The following CCDC102A variants were observed in gnomAD, a reference collection of about 807,000 sequenced individuals.
CCDC102A encodes coiled-coil domain containing 102A.
CCDC102A carries 40 observed loss-of-function variants against 55.5 expected under a neutral mutation model. The observed-to-expected ratio is 0.72, with a 90% CI of 0.56 to 0.94. CCDC102A has a LOEUF of 0.94. CCDC102A is among the 40% of genes least tolerant of loss of function. The pLI is 0.00. For synonymous variants in CCDC102A, 323 were observed against 339.0 expected (o/e 0.95, Z 0.52); for missense variants, 779 against 768.6 (o/e 1.01, Z -0.16).
chr16:57,527,024 T>C (rs1426497899), intron 2 of CCDC102A, among the ~76,000 whole-genome samples: 4 of 152,066 alleles, frequency 2.6e-5, no homozygotes, highest in African/African-American at 9.7e-5. Flanking sequence ...GACCGACAAC[T>C]GGAATAAGGA....
intron 3 of CCDC102A, among the ~76,000 whole-genome samples, chr16:57,521,410 G>T (rs2032049850): frequency 6.6e-6 from 1 of 152,204 alleles, no homozygotes; most frequent in Non-Finnish European, 1.5e-5. Context: ...TGGGGAGGTG[G>T]TCGGGGTTCC....
chr16:57,530,914 C>T (rs1464341598), intron 1 of CCDC102A, among the ~76,000 whole-genome samples: 1 of 151,896 alleles, frequency 6.6e-6, no homozygotes, highest in East Asian at 1.9e-4. Flanking sequence ...TGACGGTGTG[C>T]CCTCTGGACC....
chr16:57,525,827 A>C, intron 3 of CCDC102A, 74 bp downstream of exon 3: 3 of 1,331,030 alleles, frequency 2.3e-6, no homozygotes, highest in Non-Finnish European at 3.2e-6. Flanking sequence ...CGTGAGTCTA[A>C]TGTTCTGTGA....
chr16:57,529,204 G>T lies in CCDC102A; in HGVS notation c.-27C>A. On this transcript the variant is annotated 5_prime_UTR_variant, in exon 2 of 9. Transcript: ENST00000258214. This position sits in a 1 kb window ranked among gnomAD's most constrained non-coding sequence, Gnocchi z 4.1. ...GTGCGGCCGGGCGGGCCCTGAGCTC[G>T]AACTCGCGGTCGGGCTCAGGGGCGG... 1 of 1,164,162 alleles carries T rather than the reference G, an allele frequency of 8.6e-7. No individual in the cohort carries two copies. The highest frequency in any genetic ancestry group is 4.2e-5 in the South Asian group (1 of 23,732). 72.1% of individuals were successfully genotyped at this position (1,164,162 alleles called of 1,614,324 possible).
chr16:57,521,115 T>C lies in CCDC102A; in HGVS notation c.874A>G (p.Ile292Val), dbSNP rs921441735. ...KLEGELSQWKIKYEELSKTKQ... is the reference protein window; with the variant it reads ...KLEGELSQWKVKYEELSKTKQ... ...GTCTTGCTCAGCTCCTCATACTTGATCTTCCACTGGCTGAGCTCCCCCTCT... is the reference window on the plus strand; with the variant it reads ...GTCTTGCTCAGCTCCTCATACTTGACCTTCCACTGGCTGAGCTCCCCCTCT... Residue 292 changes from isoleucine to valine, a missense_variant, in exon 4 of 9, where the codon ATC (isoleucine) becomes GTC (valine). Ile to Val is a conservative substitution (Grantham distance 29). Coordinates refer to ENST00000258214, the MANE Select transcript of CCDC102A (RefSeq NM_033212.4). The C allele has an allele frequency of 1.2e-6, 2 of 1,613,756 alleles. No homozygotes were observed. The highest frequency in any genetic ancestry group is 2.7e-5 in the African/African-American group (2 of 75,002).
At position 57,516,341 on chromosome 16, in the gene CCDC102A, C is replaced by A; in HGVS notation, c.1371G>T (p.Arg457=). 6.2e-7 allele frequency: 1 copy of A among 1,608,284 alleles called. No homozygotes were observed. Among genetic ancestry groups the A allele is most frequent in the East Asian group, 2.2e-5 (1 of 44,896 alleles). The change falls in exon 7 of 9, where the codon CGG becomes CGT. Residue 457 remains arginine (R), a synonymous_variant. Coordinates refer to ENST00000258214, the MANE Select transcript of CCDC102A (RefSeq NM_033212.4). This position sits in a 1 kb window ranked among gnomAD's most constrained non-coding sequence, Gnocchi z 4.4. The stretch of plus-strand genomic sequence containing the variant: ...CCTTCTTGAGCTCCTCCACCCGCAG[C>A]CGCAGCTTCTTCACCTCAGCCTCGT... ...EQHEAEVKKL[R]LRVEELKKEL...
Position 57,517,913 on chromosome 16 carries a change from G to A in CCDC102A, c.1248+155C>T, listed in dbSNP as rs1467213042. ...CACATAGTAAGTGCTCAATGAATGCGGCTACTATAATTACCAACTGGTCTA... is the reference window on the plus strand; with the variant it reads ...CACATAGTAAGTGCTCAATGAATGCAGCTACTATAATTACCAACTGGTCTA... On this transcript the variant is annotated intron_variant, in intron 6 of 8. Transcript: ENST00000258214. Among the ~76,000 whole-genome samples, 4 of 152,374 alleles carry A rather than the reference G, an allele frequency of 2.6e-5. No homozygotes were observed. The South Asian group carries it at 8.3e-4, about 32-fold the overall frequency.
intron 7 of CCDC102A, 43 bp from the exon 8 acceptor site, chr16:57,515,487 G>A: frequency 7.4e-7 from 1 of 1,352,658 alleles, no homozygotes; most frequent in Non-Finnish European, 1.0e-6. Context: ...GTCACCCAGG[G>A]CTGGGCAAGG....
At chr16:57,523,375 G>C (rs1464085274) in intron 3 of CCDC102A, among the ~76,000 whole-genome samples, 1 of 152,102 alleles carries the variant, frequency 6.6e-6, no homozygotes. Context: ...GCTTCTGGCA[G>C]TTTGCTGGCC....
At chr16:57,514,756 G>A (rs575436828) in intron 8 of CCDC102A, among the ~76,000 whole-genome samples, 51 of 152,338 alleles carry the variant, frequency 3.3e-4, no homozygotes, top group Middle Eastern at 6.8e-3. Flanking sequence ...GGTCAATGCT[G>A]TGGCTCCGAT....
At position 57,525,964 on chromosome 16, in the gene CCDC102A, G is replaced by T; in HGVS notation, c.749C>A (p.Ser250Tyr). ...CCGTAGCCGCAGGGCGGTCAACTTGGAGGCCTCCTCCTCCGTGGCAGCTGT... is the reference window on the plus strand; with the variant it reads ...CCGTAGCCGCAGGGCGGTCAACTTGTAGGCCTCCTCCTCCGTGGCAGCTGT... The part of the protein sequence containing the change: ...EDTAATEEEA[S>Y]KLTALRLRLD... The change falls in exon 3 of 9, where the codon TCC becomes TAC. Residue 250 changes from serine (S) to tyrosine (Y), a missense_variant. Coordinates refer to ENST00000258214, the MANE Select transcript of CCDC102A (RefSeq NM_033212.4). 6.2e-7 allele frequency: 1 copy of T among 1,612,418 alleles called. No individual in the cohort carries two copies.
chr16:57,518,181 G>C lies in CCDC102A; in HGVS notation c.1135C>G (p.Arg379Gly). 1 of 1,612,504 alleles carries C rather than the reference G, an allele frequency of 6.2e-7. No homozygotes were observed. Residue 379 changes from arginine to glycine, a missense_variant, in exon 6 of 9, where the codon CGG (arginine) becomes GGG (glycine). Transcript: ENST00000258214. ...LGLERENKKL[R>G]AQVGDLEEAL... Reference sequence around the variant, plus strand: ...TCCTCCAGGTCTCCGACCTGTGCCCGCAGCTTCTTGTTCTCCCGCTCAAGG... The same window carrying C: ...TCCTCCAGGTCTCCGACCTGTGCCCCCAGCTTCTTGTTCTCCCGCTCAAGG...
chr16:57,518,234 C>T lies in CCDC102A; in HGVS notation c.1082G>A (p.Arg361Gln), dbSNP rs746272672. 1.7e-5 allele frequency: 27 copies of T among 1,611,734 alleles called. No homozygotes were observed. The highest frequency in any genetic ancestry group is 4.5e-5 in the East Asian group (2 of 44,894). Residue 361 changes from arginine to glutamine, a missense_variant, in exon 6 of 9, where the codon CGG (arginine) becomes CAG (glutamine). By Grantham distance (43) the Arg-to-Gln change is conservative (BLOSUM62 1). Coordinates refer to ENST00000258214, the MANE Select transcript of CCDC102A (RefSeq NM_033212.4). ...QAENAAEWGR[R>Q]ERLETEKLGL... is the part of the protein sequence containing the mutation. ...CAGTTTCTCTGTCTCCAGCCGCTCC[C>T]GGCGGCCCCACTCCGCAGCGTTTTC...
chr16:57,532,177 C>T (rs1180362994), intron 1 of CCDC102A, among the ~76,000 whole-genome samples: 1 of 152,196 alleles, frequency 6.6e-6, no homozygotes, highest in Non-Finnish European at 1.5e-5. Context: ...ACACTTGGCC[C>T]TATACCCGAG....
At chr16:57,523,707 A>G (rs2032088362) in intron 3 of CCDC102A, among the ~76,000 whole-genome samples, 1 of 151,268 alleles carries the variant, frequency 6.6e-6, no homozygotes, top group Non-Finnish European at 1.5e-5. Context: ...GCACTATGGG[A>G]AGCTGAGGTT....
At chr16:57,526,624 G>A (rs1433317949) in intron 2 of CCDC102A, among the ~76,000 whole-genome samples, 1 of 152,142 alleles carries the variant, frequency 6.6e-6, no homozygotes, top group Non-Finnish European at 1.5e-5. Flanking sequence ...ACCCAGGGCC[G>A]AGCCCCTTTC....
intron 7 of CCDC102A, among the ~76,000 whole-genome samples, chr16:57,515,780 C>G (rs1326728318): frequency 4.0e-5 from 6 of 151,398 alleles, no homozygotes; most frequent in Admixed American, 1.3e-4. Context: ...AGTCACCCAC[C>G]ACTCCCCATC....
chr16:57,515,379 G>A lies in CCDC102A; in HGVS notation c.1485C>T (p.Ser495=), dbSNP rs374838478. 5.6e-6 allele frequency: 9 copies of A among 1,608,636 alleles called. No individual in the cohort carries two copies. Among genetic ancestry groups the A allele is most frequent in the South Asian group, 2.2e-5 (2 of 89,986 alleles). Residue 495 remains serine (S), a synonymous_variant, in exon 8 of 9, where the codon AGC becomes AGT. Coordinates refer to ENST00000258214, the MANE Select transcript of CCDC102A (RefSeq NM_033212.4). The stretch of plus-strand genomic sequence containing the variant: ...GCTCCAGTTGCACTTGCAGGTTCTC[G>A]CTCTGCTCCGTCTGCTCGTCCAGCG... ...QRSLDEQTEQ[S]ENLQVQLEHL...
Position 57,512,286 on chromosome 16 carries a change from C to T in CCDC102A, c.*455G>A. 2.5e-6 allele frequency: 1 copy of T among 397,680 alleles called. No individual in the cohort carries two copies. The highest frequency in any genetic ancestry group is 3.6e-5 in the East Asian group (1 of 28,042). The allele number at this position is 397,680 out of a possible 1,614,324, so 24.6% of individuals were successfully genotyped here. A position where few individuals can be genotyped will look rare whatever the true frequency, so the allele number is the denominator to read the frequency against. ...ACAACCCCCGCCCACATCTGCCATA[C>T]TTTCAGATGCCCCAAGAACTTGAAC... On this transcript the variant is annotated 3_prime_UTR_variant, in exon 9 of 9. Transcript: ENST00000258214.
Sources: allele counts gnomAD v4.1 joint callset (sites outside exome capture counted in the v4.1 genomes callset), GRCh38; gene constraint gnomAD v4.1.1; non-coding constraint Gnocchi (gnomAD v3.1); transcripts MANE v1.5; gene names NCBI Gene and HGNC (gene_info 2026-07-23, HGNC 2026-07-21).